Variants in DAGLA observed in about 807,000 individuals in gnomAD.
DAGLA encodes the protein diacylglycerol lipase alpha.
In DAGLA, 22 loss-of-function variants were observed where a neutral mutation model predicts 102.6. That is an observed-to-expected ratio of 0.21 (90% confidence interval 0.15 to 0.31). The LOEUF is 0.31. Ranked by LOEUF, DAGLA falls within the 10% of genes least tolerant of loss-of-function variation. The probability of loss-of-function intolerance (pLI) is 1.00; values close to 1 mark genes in which losing one functional copy is unlikely to be tolerated. For synonymous variants in DAGLA, 578 were observed against 628.9 expected (o/e 0.92, Z 1.21); for missense variants, 927 against 1,446.6 (o/e 0.64, Z 5.83).
At chr11:61,711,016 A>G (rs1191937223) in intron 1 of DAGLA, among the ~76,000 whole-genome samples, 3 of 152,228 alleles carry the variant, frequency 2.0e-5, no homozygotes, top group African/African-American at 7.2e-5. Context: ...GCCAGAAGGC[A>G]GGCCTCGGTC....
chr11:61,703,101 G>A (rs746780165), intron 1 of DAGLA, among the ~76,000 whole-genome samples: 1 of 152,118 alleles, frequency 6.6e-6, no homozygotes, highest in African/African-American at 2.4e-5. Context: ...ACGTTCTCCT[G>A]TTTCTGTCCT....
At chr11:61,716,022 A>T (rs185993318) in intron 1 of DAGLA, among the ~76,000 whole-genome samples, 1 of 152,076 alleles carries the variant, frequency 6.6e-6, no homozygotes, top group African/African-American at 2.4e-5. Flanking sequence ...GAAGGGAGGG[A>T]CGTTTCCCCA....
chr11:61,688,891 C>G (rs1441071955), intron 1 of DAGLA, among the ~76,000 whole-genome samples: 1 of 152,248 alleles, frequency 6.6e-6, no homozygotes, highest in Non-Finnish European at 1.5e-5. Flanking sequence ...GAATCCTCTG[C>G]TTTCTCATCA....
chr11:61,720,752 G>A lies in DAGLA; in HGVS notation c.169G>A (p.Asp57Asn). The A allele has an allele frequency of 6.2e-7, 1 of 1,613,998 alleles. No individual in the cohort carries two copies. The part of the protein sequence containing the change: ...PHEACSLNLV[D>N]HGRGYLGILL... ...CGAGGCCTGCTCCCTGAACCTGGTGGACCACGGCCGCGGCTACCTGGGCAT... is the reference window on the plus strand; with the variant it reads ...CGAGGCCTGCTCCCTGAACCTGGTGAACCACGGCCGCGGCTACCTGGGCAT... Residue 57 changes from aspartate (D) to asparagine (N), a missense_variant, in exon 3 of 20, where the codon GAC (aspartate) becomes AAC (asparagine). By Grantham distance (23) the Asp-to-Asn change is conservative (BLOSUM62 1). Coordinates refer to ENST00000257215, the MANE Select transcript of DAGLA (RefSeq NM_006133.3).
chr11:61,693,680 G>A (rs770934596), intron 1 of DAGLA, among the ~76,000 whole-genome samples: 5 of 152,138 alleles, frequency 3.3e-5, no homozygotes, highest in Admixed American at 6.5e-5. Context: ...ATAAGTCAGC[G>A]TGTCTGGTCT....
At chr11:61,726,763 A>G (rs1055434400) in intron 6 of DAGLA, among the ~76,000 whole-genome samples, 1 of 152,148 alleles carries the variant, frequency 6.6e-6, no homozygotes, top group Middle Eastern at 3.4e-3. Context: ...TCAGGAGACC[A>G]CTCCTCCCTG....
chr11:61,708,608 C>T (rs545488972), intron 1 of DAGLA, among the ~76,000 whole-genome samples: 1 of 152,030 alleles, frequency 6.6e-6, no homozygotes, highest in South Asian at 2.1e-4. Context: ...TGGTCTCGAT[C>T]TCCTGACGTC....
Position 61,697,001 on chromosome 11 carries a change from G to A in DAGLA, c.-45+16497G>A, listed in dbSNP as rs528771805. Among the ~76,000 whole-genome samples the A allele has an allele frequency of 3.3e-5, 5 of 152,282 alleles. No homozygotes were observed. In the East Asian group the frequency reaches 9.7e-4, roughly 29 times the overall value. On this transcript the variant is annotated intron_variant, in intron 1 of 19. Transcript: ENST00000257215. The stretch of plus-strand genomic sequence containing the variant: ...CCCATGACCTCCCTGGGATGGCATA[G>A]CAGGGGATGGTAGCCTCTGGGGACT...
chr11:61,725,042 C>G (rs2065313583), intron 5 of DAGLA, among the ~76,000 whole-genome samples: 1 of 152,124 alleles, frequency 6.6e-6, no homozygotes, highest in Non-Finnish European at 1.5e-5. Flanking sequence ...AGGGCCTGGC[C>G]TGTCACTACA....
At position 61,726,061 on chromosome 11, in the gene DAGLA, G is replaced by A. The variant is rs376130196; in HGVS notation, c.615G>A (p.Thr205=). The A allele has an allele frequency of 2.9e-5, 46 of 1,612,590 alleles. No individual in the cohort carries two copies. Among genetic ancestry groups the A allele is most frequent in the Non-Finnish European group, 3.6e-5 (42 of 1,180,040 alleles). The change falls in exon 6 of 20, where the codon ACG becomes ACA. Residue 205 remains threonine, a synonymous_variant. Coordinates refer to ENST00000257215, the MANE Select transcript of DAGLA (RefSeq NM_006133.3). ...SRRLKVFLCC[T]RTKDSQSDAY... is the part of the protein sequence containing the mutation. ...GGCTCAAAGTGTTCCTCTGCTGCAC[G>A]CGGACGAAGGACTCCCAGTCAGTAA...
At position 61,686,686 on chromosome 11, in the gene DAGLA, C is replaced by T. The variant is rs567505617; in HGVS notation, c.-45+6182C>T. ...GGTGGAGGTCGGGACGGTGGCCCTCCGCTGTGTAAGGTGAGACAGGATGCT... is the reference window on the plus strand; with the variant it reads ...GGTGGAGGTCGGGACGGTGGCCCTCTGCTGTGTAAGGTGAGACAGGATGCT... On this transcript the variant is annotated intron_variant, in intron 1 of 19. Coordinates refer to ENST00000257215, the MANE Select transcript of DAGLA (RefSeq NM_006133.3). This position sits in a 1 kb window ranked among gnomAD's most constrained non-coding sequence, Gnocchi z 5.2. 1.3e-5 allele frequency among the ~76,000 whole-genome samples: 2 copies of T among 152,262 alleles called. No homozygotes were observed. Among genetic ancestry groups the T allele is most frequent in the African/African-American group, 2.4e-5 (1 of 41,536 alleles).
intron 1 of DAGLA, among the ~76,000 whole-genome samples, chr11:61,719,520 C>G (rs143792369): frequency 6.6e-5 from 10 of 152,260 alleles, no homozygotes; most frequent in East Asian, 1.9e-4. Context: ...GAAACTGAAG[C>G]CTTCATTCAA....
rs1331529074 is a variant in DAGLA, at chr11:61,734,021, CAG to C, written c.975-827_975-826del. On this transcript the variant is annotated intron_variant, in intron 9 of 19. Transcript: ENST00000257215. This position sits in a 1 kb window ranked among gnomAD's most constrained non-coding sequence, Gnocchi z 4.2. ...AGAGACCAGAGCCAGGTGGGGTAGA[CAG>C]GGCGTTGCTGTAGGGTCTTAAAAAG... Among the ~76,000 whole-genome samples, 1 of 152,024 alleles carries C rather than the reference CAG, an allele frequency of 6.6e-6. No homozygotes were observed. The highest frequency in any genetic ancestry group is 6.5e-5 in the Admixed American group (1 of 15,276).
intron 13 of DAGLA, 50 bp from the exon 14 acceptor site, chr11:61,737,132 T>A: frequency 6.2e-7 from 1 of 1,610,824 alleles, no homozygotes; most frequent in Non-Finnish European, 8.5e-7. Flanking sequence ...GCTAAGACAG[T>A]CGCTTGGCGG....
At chr11:61,682,524 A>G (rs1242984927) in intron 1 of DAGLA, among the ~76,000 whole-genome samples, 4 of 152,142 alleles carry the variant, frequency 2.6e-5, no homozygotes, top group Admixed American at 2.6e-4. Flanking sequence ...TGGCCCCGGC[A>G]GCTGTGAAGT....
intron 7 of DAGLA, 27 bp from the exon 8 acceptor site, chr11:61,728,904 G>T (rs752521343): frequency 6.2e-7 from 1 of 1,609,260 alleles, no homozygotes; most frequent in Non-Finnish European, 8.5e-7. Context: ...GCCAGTGATT[G>T]TCCTTCTTCA....
At chr11:61,713,841 C>T (rs571897946) in intron 1 of DAGLA, among the ~76,000 whole-genome samples, 15 of 152,308 alleles carry the variant, frequency 9.8e-5, no homozygotes, top group African/African-American at 3.1e-4. Context: ...AGCTCCAGTG[C>T]CCAACAAGGC....
At chr11:61,696,771 C>T (rs1591027172) in intron 1 of DAGLA, among the ~76,000 whole-genome samples, 1 of 152,138 alleles carries the variant, frequency 6.6e-6, no homozygotes, top group South Asian at 2.1e-4. Flanking sequence ...CAGCGGCAGG[C>T]ACTGTCAGTG....
rs887205454 is a variant in DAGLA, at chr11:61,721,403, G to A, written c.307+513G>A. 2.6e-5 allele frequency among the ~76,000 whole-genome samples: 4 copies of A among 152,078 alleles called. No individual in the cohort carries two copies. The East Asian group carries it at 5.8e-4, about 22-fold the overall frequency. ...AGCAAGTCTCCATCTCAAAAAAAAA[G>A]AAAATAAGGTTTTATTGGCACATAT... On this transcript the variant is annotated intron_variant, in intron 3 of 19. Coordinates refer to ENST00000257215, the MANE Select transcript of DAGLA (RefSeq NM_006133.3).
Sources: allele counts gnomAD v4.1 joint callset (sites outside exome capture counted in the v4.1 genomes callset), GRCh38; gene constraint gnomAD v4.1.1; non-coding constraint Gnocchi (gnomAD v3.1); transcripts MANE v1.5; gene names NCBI Gene and HGNC (gene_info 2026-07-23, HGNC 2026-07-21).